Variants in GPN1 observed in about 807,000 individuals in gnomAD.
GPN1 encodes ATP(GTP)-binding protein.
Under a neutral mutation model 55.9 loss-of-function variants are expected in GPN1, and 44 were observed. The observed-to-expected ratio is 0.79, with a 90% CI of 0.62 to 1.01. GPN1 has a LOEUF of 1.01. Among genes scored for constraint, GPN1 ranks in the 50% least tolerant of loss-of-function variants. GPN1 has a pLI of 0.00. For missense variants in GPN1, 466 were observed against 462.8 expected, an observed-to-expected ratio of 1.01 and a Z score of -0.06; for synonymous variants, 179 against 162.5, an observed-to-expected ratio of 1.10 and a Z score of -0.77.
intron 4 of GPN1, 78 bp downstream of exon 4, chr2:27,631,978 T>C: frequency 1.2e-6 from 1 of 858,882 alleles, no homozygotes; most frequent in Non-Finnish European, 2.0e-6. Context: ...ATCACATTGG[T>C]AAAGAAGAGC....
rs905646872 is a variant in GPN1 at position 27,643,901 on chromosome 2, G to T, written c.931+1382G>T. Among the ~76,000 whole-genome samples, 2 of 152,134 alleles carry T rather than the reference G, an allele frequency of 1.3e-5. No individual in the cohort carries two copies. Among genetic ancestry groups the T allele is most frequent in the Non-Finnish European group, 2.9e-5 (2 of 68,018 alleles). On this transcript the variant is annotated intron_variant, in intron 12 of 13. Transcript: ENST00000610189. The surrounding 1 kb of genome is among the most constrained non-coding windows in gnomAD (Gnocchi z 4.0). ...CATAAAGAATTACTATTTTTAGGCC[G>T]GGCGCAGTGGCTCACGCCTGTAATC...
rs2148078316 is a variant in GPN1 at position 27,643,374 on chromosome 2, A to G, written c.931+855A>G. On this transcript the variant is annotated intron_variant, in intron 12 of 13. Transcript: ENST00000610189. This position sits in a 1 kb window ranked among gnomAD's most constrained non-coding sequence, Gnocchi z 4.0. Reference sequence around the variant, plus strand: ...TTATATAAATATATATTTTTCCTGAATCATTTGAGTAAGTTACAGATATAA... The same window carrying G: ...TTATATAAATATATATTTTTCCTGAGTCATTTGAGTAAGTTACAGATATAA... Among the ~76,000 whole-genome samples, 1 of 152,034 alleles carries G rather than the reference A, an allele frequency of 6.6e-6. No homozygotes were observed. Among genetic ancestry groups the G allele is most frequent in the South Asian group, 2.1e-4 (1 of 4,826 alleles).
intron 2 of GPN1, among the ~76,000 whole-genome samples, chr2:27,630,276 G>A (rs1358450644): frequency 2.0e-5 from 3 of 151,878 alleles, no homozygotes; most frequent in Admixed American, 1.3e-4. Context: ...AATAGAGTGA[G>A]ACTCTGTAAA....
chr2:27,637,901 CCT>C (rs1453415454), intron 7 of GPN1, among the ~76,000 whole-genome samples: 1 of 152,120 alleles, frequency 6.6e-6, no homozygotes, highest in Non-Finnish European at 1.5e-5. Flanking sequence ...AAATTCTCAA[CCT>C]GTAATAGGTA....
chr2:27,635,329 T>G (rs1673697305), intron 7 of GPN1, 95 bp downstream of exon 7: 3 of 620,140 alleles, frequency 4.8e-6, no homozygotes, highest in Non-Finnish European at 8.4e-6. Context: ...ATCTGGTTGC[T>G]TACCCCTGGA....
chr2:27,633,196 T>G (rs572494823), intron 5 of GPN1, among the ~76,000 whole-genome samples: 1 of 152,324 alleles, frequency 6.6e-6, no homozygotes, highest in South Asian at 2.1e-4. Context: ...TCACCCCGAT[T>G]CCCACTAGAA....
chr2:27,631,049 TA>T lies in GPN1; in HGVS notation c.231del (p.Glu78LysfsTer2). On this transcript the variant is annotated frameshift_variant, in exon 3 of 14. Coordinates refer to ENST00000610189, the MANE Select transcript of GPN1 (RefSeq NM_007266.4). LOFTEE classifies it high-confidence loss of function. ...NIDIRDTVKY[K>X]EVMKQYGLGP... ...CAGATATTCGTGATACTGTAAAGTA[TA>T]AAGAAGTAATGAAACAGTATCCTTT... 7.3e-7 allele frequency: 1 copy of T among 1,377,814 alleles called. No individual in the cohort carries two copies. The highest frequency in any genetic ancestry group is 1.0e-6 in the Non-Finnish European group (1 of 966,488). The allele number at this position is 1,377,814 out of a possible 1,614,324, so 85.3% of individuals were successfully genotyped here. A position where few individuals can be genotyped will look rare whatever the true frequency, so the allele number is the denominator to read the frequency against.
intron 12 of GPN1, among the ~76,000 whole-genome samples, chr2:27,644,669 G>C (rs1387462110): frequency 1.5e-5 from 2 of 134,060 alleles, no homozygotes; most frequent in African/African-American, 5.5e-5. Context: ...AGTTGTATCT[G>C]TATGATTTAT....
At position 27,629,853 on chromosome 2, in the gene GPN1, C is replaced by G; in HGVS notation, c.112-6C>G. On this transcript the variant is annotated splice_region_variant and splice_polypyrimidine_tract_variant and intron_variant, in intron 1 of 13. Transcript: ENST00000610189. ...TCCTTCCAACCCTCTCCCCATATCT[C>G]TGCAGAGGCTCACAGGACACCTGCA... is the stretch of plus-strand genomic sequence containing the variant. 3 of 1,538,362 alleles carry G rather than the reference C, an allele frequency of 2.0e-6. No individual in the cohort carries two copies. Among genetic ancestry groups the G allele is most frequent in the Non-Finnish European group, 2.7e-6 (3 of 1,110,706 alleles).
chr2:27,641,463 GTTAAT>G (rs1383596829), intron 11 of GPN1, among the ~76,000 whole-genome samples, 184 bp downstream of exon 11: 2 of 152,110 alleles, frequency 1.3e-5, no homozygotes, highest in Non-Finnish European at 1.5e-5. Flanking sequence ...CTAAATACTT[GTTAAT>G]TTAAATTTGT....
At chr2:27,635,928 C>T (rs114225843) in intron 7 of GPN1, among the ~76,000 whole-genome samples, 2,172 of 152,126 alleles carry the variant, frequency 0.014, 50 homozygotes, top group African/African-American at 0.049. Context: ...GTAAAATGCA[C>T]AGGTGGCCAG....
intron 12 of GPN1, among the ~76,000 whole-genome samples, chr2:27,647,574 A>C (rs1572965602): frequency 2.0e-5 from 3 of 152,352 alleles, no homozygotes; most frequent in East Asian, 3.9e-4. Flanking sequence ...TGATGCTACT[A>C]GTAAGACAAG....
intron 1 of GPN1, 72 bp from the exon 2 acceptor site, chr2:27,629,787 G>C: frequency 1.2e-6 from 1 of 828,342 alleles, no homozygotes; most frequent in African/African-American, 1.7e-5. Flanking sequence ...TAAGGCATGG[G>C]TGTTAAAGGA....
chr2:27,629,535 C>A, intron 1 of GPN1: 1 of 819,738 alleles, frequency 1.2e-6, no homozygotes. Flanking sequence ...CTGTCATGTT[C>A]CATTCACTGG....
rs556437480 is a variant in GPN1 at position 27,634,984 on chromosome 2, T to G, written c.429+60T>G. On this transcript the variant is annotated intron_variant, in intron 6 of 13. Transcript: ENST00000610189. ...AGAGGGGCTAGACTGGATGAGCATT[T>G]ATTTTTAATTGCCTTGGACTTTATA... The G allele has an allele frequency of 1.1e-4, 112 of 1,055,450 alleles. 1 individual carries two copies. The South Asian group carries it at 1.3e-3, about 12-fold the overall frequency. 65.4% of individuals were successfully genotyped at this position (1,055,450 alleles called of 1,614,324 possible).
chr2:27,631,665 T>A lies in GPN1; in HGVS notation c.246-169T>A, dbSNP rs75084616. ...ATCAAATGAGTGAGCCAGACCTTGA[T>A]AATGACTGTTTCCCTGTGTGGTTAA... On this transcript the variant is annotated intron_variant, in intron 3 of 13. Coordinates refer to ENST00000610189, the MANE Select transcript of GPN1 (RefSeq NM_007266.4). 2.5e-3 allele frequency: 1,552 copies of A among 621,546 alleles called. 16 individuals carry two copies. The highest frequency in any genetic ancestry group is 0.023 in the African/African-American group (1,260 of 54,368). The allele number at this position is 621,546 out of a possible 1,614,324, so 38.5% of individuals were successfully genotyped here. A position where few individuals can be genotyped will look rare whatever the true frequency, so the allele number is the denominator to read the frequency against.
chr2:27,638,404 A>G (rs376711448), intron 8 of GPN1, 149 bp downstream of exon 8: 1 of 593,544 alleles, frequency 1.7e-6, no homozygotes. Flanking sequence ...GAGAAAATGA[A>G]TCAATCAAAT....
In GPN1 at chr2:27,643,964, A is replaced by C. The variant is rs1674089136; in HGVS notation, c.931+1445A>C. On this transcript the variant is annotated intron_variant, in intron 12 of 13. Coordinates refer to ENST00000610189, the MANE Select transcript of GPN1 (RefSeq NM_007266.4). This position sits in a 1 kb window ranked among gnomAD's most constrained non-coding sequence, Gnocchi z 4.0. ...GAGGCCGAGGCGGGTGGATCACTTG[A>C]GGTCAGGAATTCGAGACCAGCCTGG... is the stretch of plus-strand genomic sequence containing the variant. 6.6e-6 allele frequency among the ~76,000 whole-genome samples: 1 copy of C among 152,162 alleles called. No homozygotes were observed. The highest frequency in any genetic ancestry group is 2.1e-4 in the South Asian group (1 of 4,830).
chr2:27,629,193 G>C, intron 1 of GPN1, 24 bp downstream of exon 1: 1 of 1,609,396 alleles, frequency 6.2e-7, no homozygotes. Flanking sequence ...CATGGGTGTA[G>C]TAGGGGAGCG....
Sources: gnomAD v4.1 joint callset for allele counts (sites outside exome capture counted in the v4.1 genomes callset) on GRCh38, gnomAD v4.1.1 for gene constraint, Gnocchi (gnomAD v3.1) non-coding constraint, MANE v1.5 for transcripts, NCBI Gene and HGNC (gene_info 2026-07-23, HGNC 2026-07-21) for gene names.